SAMSN1: variants seen among roughly 807,000 people sequenced by gnomAD.
The protein encoded by SAMSN1 is SAM domain-containing protein SAMSN-1.
SAMSN1 carries 31 observed loss-of-function variants against 42.0 expected under a neutral mutation model. That is an observed-to-expected ratio of 0.74 (90% CI 0.55 to 1.00). The LOEUF is 1.00. Ranked by LOEUF, SAMSN1 falls within the 50% of genes least tolerant of loss-of-function variation. The pLI is 0.00. For missense variants in SAMSN1, 464 were observed against 439.4 expected, an observed-to-expected ratio of 1.06 and a Z score of -0.50; for synonymous variants, 178 against 151.9, an observed-to-expected ratio of 1.17 and a Z score of -1.26.
At chr21:14,556,388 C>T (rs540126248) in intron 2 of SAMSN1, among the ~76,000 whole-genome samples, 36 of 152,106 alleles carry the variant, frequency 2.4e-4, no homozygotes, top group South Asian at 8.3e-4. Context: ...AAAATAATTA[C>T]GGTGGATGTT....
In SAMSN1 at chr21:14,500,548, A is replaced by T; in HGVS notation, c.749T>A (p.Leu250Gln). ...GCTCACCTGCAGATGAATCCTCTCT[A>T]GGAACTCCTGCAGAGTCTTGGATTT... Reference protein sequence around the residue: ...SKKSKTLQEFLERIHLQEYTS... With the variant: ...SKKSKTLQEFQERIHLQEYTS... Residue 250 changes from leucine (L) to glutamine (Q), a missense_variant, in exon 6 of 8, where the codon CTA (leucine) becomes CAA (glutamine). Physicochemically the swap from Leu to Gln is moderately radical, Grantham distance 113 (BLOSUM62 -2). Transcript: ENST00000400566. The T allele has an allele frequency of 6.2e-7, 1 of 1,614,014 alleles. No homozygotes were observed. Among genetic ancestry groups the T allele is most frequent in the Non-Finnish European group, 8.5e-7 (1 of 1,179,910 alleles).
rs1031515456 is a variant in SAMSN1, at chr21:14,602,426, A to G, written c.323-327T>C. Among the ~76,000 whole-genome samples, 5 of 152,112 alleles carry G rather than the reference A, an allele frequency of 3.3e-5. No individual in the cohort carries two copies. The East Asian group carries it at 7.7e-4, about 23-fold the overall frequency. ...AAGCCACTTCTAACTTCAACATGCT[A>G]TGACTCCATGCAGTTATCACCTCAC... On this transcript the variant is annotated intron_variant, in intron 5 of 15. Coordinates refer to the SAMSN1 transcript ENST00000647101.
chr21:14,488,638 T>G (rs1986544197), intron 7 of SAMSN1, among the ~76,000 whole-genome samples: 1 of 152,216 alleles, frequency 6.6e-6, no homozygotes, highest in Admixed American at 6.5e-5. Flanking sequence ...TGAGAAATGC[T>G]ATATCATGTT....
chr21:14,490,082 C>G (rs1986619533), intron 7 of SAMSN1, among the ~76,000 whole-genome samples: 1 of 152,108 alleles, frequency 6.6e-6, no homozygotes, highest in Non-Finnish European at 1.5e-5. Context: ...GCTTGACTTT[C>G]CCAGATTTCT....
At position 14,642,926 on chromosome 21, in the gene SAMSN1, A is replaced by G. The variant is rs1478666817; in HGVS notation, c.156+76T>C. ...AGAACAGTGAATTTTTGCTGTATTA[A>G]TAAGTATCATTAGGCAAGAGATTCT... On this transcript the variant is annotated intron_variant, in intron 2 of 15. Transcript: ENST00000647101. 4 of 674,250 alleles carry G rather than the reference A, an allele frequency of 5.9e-6. No homozygotes were observed. In the Admixed American group the frequency reaches 7.0e-5, roughly 12 times the overall value. The allele number at this position is 674,250 out of a possible 1,614,324, so 41.8% of individuals were successfully genotyped here.
In SAMSN1 at chr21:14,650,557, C is replaced by T. The variant is rs561708209; in HGVS notation, c.25-7424G>A. Among the ~76,000 whole-genome samples the T allele has an allele frequency of 2.6e-5, 4 of 151,998 alleles. No individual in the cohort carries two copies. In the South Asian group the frequency reaches 8.3e-4, roughly 32 times the overall value. ...GCAGTACTAAGAGGGAAGTTTATAG[C>T]AATAAATGACTACATCAAAAAAGAT... is the stretch of plus-strand genomic sequence containing the variant. On this transcript the variant is annotated intron_variant, in intron 1 of 15. Transcript: ENST00000647101.
chr21:14,515,105 G>A (rs1987849688), intron 3 of SAMSN1, among the ~76,000 whole-genome samples: 1 of 152,126 alleles, frequency 6.6e-6, no homozygotes, highest in Admixed American at 6.5e-5. Flanking sequence ...TATATGTAAG[G>A]AAATCAGCAC....
chr21:14,632,693 G>T (rs1303565848), intron 2 of SAMSN1, among the ~76,000 whole-genome samples: 1 of 152,092 alleles, frequency 6.6e-6, no homozygotes, highest in Non-Finnish European at 1.5e-5. Context: ...GACTTAGATG[G>T]GTTCTCTGTT....
intron 1 of SAMSN1, among the ~76,000 whole-genome samples, chr21:14,654,616 G>A (rs534777495): frequency 2.0e-5 from 3 of 152,070 alleles, no homozygotes; most frequent in South Asian, 2.1e-4. Context: ...AGCTGCTAGG[G>A]CTCTTGCTTA....
intron 2 of SAMSN1, among the ~76,000 whole-genome samples, chr21:14,638,665 G>A (rs147146505): frequency 3.3e-5 from 5 of 152,288 alleles, no homozygotes; most frequent in Admixed American, 6.5e-5. Context: ...CCTTCTGAGC[G>A]TTCTCTAACT....
chr21:14,526,912 T>C (rs1444067059), intron 1 of SAMSN1, among the ~76,000 whole-genome samples: 1 of 152,200 alleles, frequency 6.6e-6, no homozygotes, highest in African/African-American at 2.4e-5. Flanking sequence ...AACTTGACCC[T>C]CATTTTCTTT....
Position 14,492,232 on chromosome 21 carries a change from C to A in SAMSN1, c.920-6118G>T, listed in dbSNP as rs143050291. ...ACTTTGATTGTGTTTCACGTTATTG[C>A]CCTCCAAAAATGTACTTATTTACAC... On this transcript the variant is annotated intron_variant, in intron 7 of 7. Coordinates refer to ENST00000400566, the MANE Select transcript of SAMSN1 (RefSeq NM_022136.5). Among the ~76,000 whole-genome samples, 433 of 152,222 alleles carry A rather than the reference C, an allele frequency of 2.8e-3. 1 individual carries two copies. Among genetic ancestry groups the A allele is most frequent in the Non-Finnish European group, 4.7e-3 (320 of 68,006 alleles).
At chr21:14,510,878 T>C (rs1319481135) in intron 4 of SAMSN1, among the ~76,000 whole-genome samples, 2 of 152,238 alleles carry the variant, frequency 1.3e-5, no homozygotes, top group African/African-American at 2.4e-5. Flanking sequence ...CTTTTGCTTG[T>C]TGTATGAGTG....
chr21:14,587,612 A>C (rs1389757576), upstream of SAMSN1, among the ~76,000 whole-genome samples: 1 of 152,090 alleles, frequency 6.6e-6, no homozygotes, highest in African/African-American at 2.4e-5. Context: ...GCATGCACAC[A>C]TACCACTTTT....
chr21:14,571,228 A>C (rs1054046205), intron 2 of SAMSN1, among the ~76,000 whole-genome samples: 1 of 152,196 alleles, frequency 6.6e-6, no homozygotes, highest in African/African-American at 2.4e-5. Flanking sequence ...TCTACCCAAC[A>C]GTTTATCCTC....
chr21:14,494,722 A>G (rs1986840873), intron 7 of SAMSN1, among the ~76,000 whole-genome samples: 2 of 151,960 alleles, frequency 1.3e-5, no homozygotes, highest in Non-Finnish European at 2.9e-5. Context: ...AAAAAAAAAA[A>G]GTGTAATCCA....
chr21:14,497,652 G>A (rs1986966900), intron 7 of SAMSN1, among the ~76,000 whole-genome samples: 2 of 152,228 alleles, frequency 1.3e-5, no homozygotes, highest in East Asian at 3.9e-4. Context: ...TGATAGAGAA[G>A]GCTGGATTTG....
At chr21:14,540,761 G>C (rs936590033) in intron 1 of SAMSN1, among the ~76,000 whole-genome samples, 7 of 152,204 alleles carry the variant, frequency 4.6e-5, no homozygotes, top group Non-Finnish European at 7.3e-5. Flanking sequence ...AATTCCATTT[G>C]AGCCAGCCAT....
chr21:14,546,945 G>A (rs1056983416), upstream of SAMSN1, among the ~76,000 whole-genome samples: 1 of 152,048 alleles, frequency 6.6e-6, no homozygotes, highest in Admixed American at 6.6e-5. Flanking sequence ...TCCTGATCTC[G>A]TGATCCGCCC....
Sources: allele counts gnomAD v4.1 joint callset (sites outside exome capture counted in the v4.1 genomes callset), GRCh38; gene constraint gnomAD v4.1.1; transcripts MANE v1.5; gene names NCBI Gene and HGNC (gene_info 2026-07-23, HGNC 2026-07-21).